Variants in ERBB4 observed in about 807,000 individuals in gnomAD.
ERBB4 encodes the protein receptor tyrosine-protein kinase erbB-4.
A neutral mutation model predicts 158.0 loss-of-function variants in ERBB4; 42 were observed. That is an observed-to-expected ratio of 0.27 (90% CI 0.21 to 0.34). ERBB4 has a LOEUF of 0.34. ERBB4 is among the 10% of genes least tolerant of loss of function. The probability of loss-of-function intolerance (pLI) is 1.00; values close to 1 mark genes in which losing one functional copy is unlikely to be tolerated. For missense variants in ERBB4, 1,333 were observed against 1,624.1 expected, an observed-to-expected ratio of 0.82 and a Z score of 3.08; for synonymous variants, 583 against 558.7, an observed-to-expected ratio of 1.04 and a Z score of -0.61.
intron 10 of ERBB4, among the ~76,000 whole-genome samples, chr2:211,704,859 A>G (rs1303228904): frequency 6.6e-6 from 1 of 152,200 alleles, no homozygotes; most frequent in East Asian, 1.9e-4. Flanking sequence ...AAAAGACACC[A>G]TCTTTAAAAA....
In ERBB4 at chr2:212,133,412, G is replaced by T. The variant is rs868209047; in HGVS notation, c.83-8509C>A. On this transcript the variant is annotated intron_variant, in intron 1 of 27. Transcript: ENST00000342788. ...CATTTTGGTGTTTTTTTTTTGTTTT[G>T]TTTTGTTTTTGTTTTTTTTTTTGCT... is the stretch of plus-strand genomic sequence containing the variant. Among the ~76,000 whole-genome samples, 379 of 134,764 alleles carry T rather than the reference G, an allele frequency of 2.8e-3. 6 individuals are homozygous for T. The highest frequency in any genetic ancestry group is 0.011 in the African/African-American group (356 of 32,162). The allele number at this position is 134,764 out of a possible 152,430, so 88.4% of individuals were successfully genotyped here. A position where few individuals can be genotyped will look rare whatever the true frequency, so the allele number is the denominator to read the frequency against.
intron 5 of ERBB4, among the ~76,000 whole-genome samples, chr2:211,744,431 A>AT (rs1309871127): frequency 6.6e-6 from 1 of 152,206 alleles, no homozygotes; most frequent in Non-Finnish European, 1.5e-5. Flanking sequence ...AGCTAAATCT[A>AT]TTAAAAACAA....
intron 4 of ERBB4, 42 bp downstream of exon 4, chr2:211,787,983 G>A (rs1334786526): frequency 6.3e-7 from 1 of 1,592,322 alleles, no homozygotes; most frequent in Admixed American, 1.7e-5. Flanking sequence ...CGCCACATAG[G>A]GTAGAACATT....
chr2:212,191,722 TAACACG>T (rs2082228939), intron 1 of ERBB4, among the ~76,000 whole-genome samples: 1 of 147,444 alleles, frequency 6.8e-6, no homozygotes, highest in African/African-American at 2.5e-5. Flanking sequence ...ATGTTACATA[TAACACG>T]TGTTATACAT....
chr2:212,305,091 G>A (rs2086762499), intron 1 of ERBB4, among the ~76,000 whole-genome samples: 2 of 151,196 alleles, frequency 1.3e-5, no homozygotes, highest in African/African-American at 4.8e-5. Context: ...ACTTATAAAT[G>A]CCAAATATTT....
At chr2:211,574,307 A>G (rs923104930) in intron 19 of ERBB4, among the ~76,000 whole-genome samples, 4 of 152,196 alleles carry the variant, frequency 2.6e-5, no homozygotes, top group African/African-American at 9.7e-5. Context: ...ATCTCTTCCC[A>G]TCTCAACATA....
chr2:211,668,630 G>C (rs1180710977), intron 14 of ERBB4, among the ~76,000 whole-genome samples: 1 of 151,856 alleles, frequency 6.6e-6, no homozygotes, highest in Non-Finnish European at 1.5e-5. Context: ...TTCTCTGGTA[G>C]CTACTGTAAA....
intron 1 of ERBB4, among the ~76,000 whole-genome samples, chr2:212,494,489 A>T (rs533433323): frequency 2.6e-5 from 4 of 152,092 alleles, no homozygotes; most frequent in African/African-American, 9.6e-5. Context: ...ATTCCTAGGG[A>T]TTAGTGACCA....
At chr2:212,460,865 T>A (rs1462194144) in intron 1 of ERBB4, among the ~76,000 whole-genome samples, 1 of 151,922 alleles carries the variant, frequency 6.6e-6, no homozygotes, top group African/African-American at 2.4e-5. Flanking sequence ...ATGTCAGAGG[T>A]CTTCATGGCA....
intron 20 of ERBB4, among the ~76,000 whole-genome samples, chr2:211,442,101 T>C (rs988541527): frequency 6.6e-6 from 1 of 152,096 alleles, no homozygotes; most frequent in African/African-American, 2.4e-5. Context: ...CCCTCCAGCT[T>C]CTTTTCTTGG....
At chr2:212,344,391 G>A (rs189577204) in intron 1 of ERBB4, among the ~76,000 whole-genome samples, 1 of 152,068 alleles carries the variant, frequency 6.6e-6, no homozygotes, top group East Asian at 1.9e-4. Context: ...GTCCCCTAAG[G>A]CACATAATTG....
At chr2:211,392,596 A>C (rs889172191) in intron 25 of ERBB4, among the ~76,000 whole-genome samples, 8 of 142,456 alleles carry the variant, frequency 5.6e-5, no homozygotes, top group African/African-American at 1.8e-4. Context: ...ACACACACAC[A>C]CACACCCCAA....
intron 1 of ERBB4, among the ~76,000 whole-genome samples, chr2:212,442,656 AT>A (rs143930614): frequency 0.13 from 20,350 of 152,042 alleles, 2,898 homozygotes; most frequent in African/African-American, 0.36. Flanking sequence ...CCTGCAGTCA[AT>A]TTTCCCCAGT....
chr2:211,466,391 T>C (rs1055685210), intron 20 of ERBB4, among the ~76,000 whole-genome samples: 1 of 150,096 alleles, frequency 6.7e-6, no homozygotes, highest in South Asian at 2.1e-4. Context: ...CCATGAAATA[T>C]GAATGAGTTA....
chr2:212,320,766 A>G (rs1264794468), intron 1 of ERBB4, among the ~76,000 whole-genome samples: 1 of 150,046 alleles, frequency 6.7e-6, no homozygotes, highest in Non-Finnish European at 1.5e-5. Context: ...TTTTAGTAAC[A>G]GGAGGATCAT....
intron 17 of ERBB4, among the ~76,000 whole-genome samples, chr2:211,629,447 A>G (rs1338656277): frequency 2.0e-5 from 3 of 152,200 alleles, no homozygotes; most frequent in Non-Finnish European, 4.4e-5. Context: ...GGAAGAATCA[A>G]TATCGTGAAA....
intron 1 of ERBB4, 123 bp from the exon 2 acceptor site, chr2:212,125,026 C>T (rs1227803813): frequency 7.5e-6 from 9 of 1,205,920 alleles, no homozygotes; most frequent in African/African-American, 4.5e-5. Flanking sequence ...ATAAATATTT[C>T]GATCGTCATT....
Position 211,420,499 on chromosome 2 carries a change from T to C in ERBB4, c.3077A>G (p.Gln1026Arg). The change falls in exon 25 of 28, where the codon CAG becomes CGG. Residue 1026 changes from glutamine to arginine, a missense_variant. Physicochemically the swap from Gln to Arg is conservative, Grantham distance 43. Coordinates refer to ENST00000342788, the MANE Select transcript of ERBB4 (RefSeq NM_005235.3). ...GATGGGAGGTGGGATGTTGAAAGCC[T>C]GAGGGACCAAGTACTCCTCAGCATC... ...MMDAEEYLVP[Q>R]AFNIPPPIYT... The C allele has an allele frequency of 6.2e-7, 1 of 1,612,814 alleles. No individual in the cohort carries two copies. Among genetic ancestry groups the C allele is most frequent in the Non-Finnish European group, 8.5e-7 (1 of 1,179,076 alleles).
chr2:211,398,284 C>T (rs187965606), intron 25 of ERBB4, among the ~76,000 whole-genome samples: 6 of 152,096 alleles, frequency 3.9e-5, no homozygotes, highest in Non-Finnish European at 1.5e-5. Context: ...ATCCTCATGG[C>T]CACTATTTCA....
Sources: allele counts gnomAD v4.1 joint callset (sites outside exome capture counted in the v4.1 genomes callset), GRCh38; gene constraint gnomAD v4.1.1; transcripts MANE v1.5; gene names NCBI Gene and HGNC (gene_info 2026-07-23, HGNC 2026-07-21).